RFX3: variants seen among roughly 807,000 people sequenced by gnomAD.
The protein encoded by RFX3 is regulatory factor X3, also known as transcription factor RFX3.
RFX3 carries 14 observed loss-of-function variants against 98.6 expected under a neutral mutation model. The observed-to-expected ratio is 0.14, with a 90% CI of 0.09 to 0.22. RFX3 has a LOEUF of 0.22. Among genes scored for constraint, RFX3 ranks in the 10% least tolerant of loss-of-function variants. RFX3 has a pLI of 1.00. For synonymous variants in RFX3, 383 were observed against 328.4 expected (o/e 1.17, Z -1.80); for missense variants, 639 against 926.9 (o/e 0.69, Z 4.03).
chr9:3,417,871 T>A lies in RFX3; in HGVS notation c.-8-22275A>T, dbSNP rs183996970. 7.6e-4 allele frequency among the ~76,000 whole-genome samples: 116 copies of A among 152,316 alleles called. 1 individual carries two copies. The highest frequency in any genetic ancestry group is 7.6e-3 in the Admixed American group (116 of 15,306). On this transcript the variant is annotated intron_variant, in intron 1 of 16. Transcript: ENST00000617270. ...CGGGAAGAACATATGATTTGCTTAA[T>A]AAGGTTTATAATAGCAAGTGTTTTT...
At chr9:3,229,464 T>C (rs755498917) in intron 15 of RFX3, among the ~76,000 whole-genome samples, 1 of 152,236 alleles carries the variant, frequency 6.6e-6, no homozygotes, top group African/African-American at 2.4e-5. Flanking sequence ...AAGAAAAGCA[T>C]CTGATCATTA....
intron 1 of RFX3, among the ~76,000 whole-genome samples, chr9:3,475,098 T>G (rs10972184): frequency 0.12 from 15,801 of 127,614 alleles, 1,611 homozygotes; most frequent in East Asian, 0.54. Flanking sequence ...AGACCCTGTC[T>G]CCAAAAAAAA....
Position 3,393,803 on chromosome 9 carries a change from A to G in RFX3, c.117+1669T>C, listed in dbSNP as rs144991572. ...GGTACACATGAACATAAAGATGACA[A>G]TAAGAGATACTGGGGACTCTAAAAG... On this transcript the variant is annotated intron_variant, in intron 2 of 16. Coordinates refer to ENST00000617270, the MANE Select transcript of RFX3 (RefSeq NM_001282116.2). Among the ~76,000 whole-genome samples, 756 of 152,312 alleles carry G rather than the reference A, an allele frequency of 5.0e-3. 8 individuals carry two copies. The highest frequency in any genetic ancestry group is 0.017 in the African/African-American group (711 of 41,566).
intron 1 of RFX3, among the ~76,000 whole-genome samples, chr9:3,512,685 C>CA (rs547353879): frequency 3.9e-5 from 6 of 151,930 alleles, no homozygotes; most frequent in Admixed American, 1.3e-4. Context: ...TTCCAACAAA[C>CA]AAAAAAACAA....
intron 6 of RFX3, among the ~76,000 whole-genome samples, chr9:3,288,827 G>C (rs375112725): frequency 3.3e-4 from 50 of 152,076 alleles, no homozygotes; most frequent in African/African-American, 1.1e-3. Context: ...TAAAAAGAAA[G>C]TAAGCCTTTA....
At chr9:3,409,038 T>A (rs1425305850) in intron 1 of RFX3, among the ~76,000 whole-genome samples, 1 of 152,256 alleles carries the variant, frequency 6.6e-6, no homozygotes, top group Non-Finnish European at 1.5e-5. Context: ...AATTCTCCGA[T>A]ATTTAAGTTG....
intron 1 of RFX3, chr9:3,400,284 G>C (rs1841345108): frequency 4.3e-6 from 3 of 690,550 alleles, no homozygotes; most frequent in Non-Finnish European, 5.4e-6. Flanking sequence ...TTAATAGGAG[G>C]AATCTTATAG....
In RFX3 at chr9:3,345,226, G is replaced by C. The variant is rs192852129; in HGVS notation, c.215+1441C>G. Among the ~76,000 whole-genome samples the C allele has an allele frequency of 2.2e-3, 342 of 152,220 alleles. 1 individual carries two copies. The highest frequency in any genetic ancestry group is 1.9e-3 in the Non-Finnish European group (126 of 68,010). On this transcript the variant is annotated intron_variant, in intron 3 of 16. Transcript: ENST00000617270. ...TAAAGATCACACTAGACTGGGTTTA[G>C]GGAGACTGGGAGGAAAGGAGAGAAG...
intron 16 of RFX3, among the ~76,000 whole-genome samples, chr9:3,225,640 G>A (rs937000445): frequency 1.3e-5 from 2 of 152,030 alleles, no homozygotes; most frequent in Non-Finnish European, 2.9e-5. Context: ...CTGGCTTTTG[G>A]GGAATGTACT....
chr9:3,341,000 A>C (rs1180327340), intron 3 of RFX3, among the ~76,000 whole-genome samples: 1 of 152,238 alleles, frequency 6.6e-6, no homozygotes, highest in Non-Finnish European at 1.5e-5. Context: ...ACTTGGAACC[A>C]ACCCAATTGT....
chr9:3,218,454 C>A lies in RFX3; in HGVS notation c.*6588G>T, dbSNP rs1252656366. 4 of 152,086 alleles carry A rather than the reference C, an allele frequency of 2.6e-5. No individual in the cohort carries two copies. Among genetic ancestry groups the A allele is most frequent in the Non-Finnish European group, 4.4e-5 (3 of 68,004 alleles). The allele number at this position is 152,086 out of a possible 1,614,324, so 9.4% of individuals were successfully genotyped here. A position where few individuals can be genotyped will look rare whatever the true frequency, so the allele number is the denominator to read the frequency against. On this transcript the variant is annotated 3_prime_UTR_variant, in exon 17 of 17. Transcript: ENST00000617270. ...TCCAGTCATTTGTTTAAACAACACA[C>A]TAAAAGTTAATATATATTTTTATAA... is the stretch of plus-strand genomic sequence containing the variant.
intron 4 of RFX3, among the ~76,000 whole-genome samples, chr9:3,306,874 G>C (rs1302346938): frequency 1.3e-5 from 2 of 152,060 alleles, no homozygotes; most frequent in East Asian, 3.9e-4. Context: ...GGAAGGGTAA[G>C]ATTGGTAATA....
intron 1 of RFX3, among the ~76,000 whole-genome samples, chr9:3,442,755 G>A (rs993248956): frequency 6.6e-6 from 1 of 152,066 alleles, no homozygotes; most frequent in East Asian, 1.9e-4. Flanking sequence ...TTATAAAAAT[G>A]GATTATAGAC....
rs763010002 is a variant in RFX3 at position 3,257,207 on chromosome 9, A to G, written c.1606-8T>C. The G allele has an allele frequency of 1.9e-6, 3 of 1,613,280 alleles. No homozygotes were observed. Among genetic ancestry groups the G allele is most frequent in the African/African-American group, 1.3e-5 (1 of 74,936 alleles). Reference sequence around the variant, plus strand: ...CACCCAGGAAGCCTGCTCCTGAGACAGTAACACAGAAAGAAAAGGAAAAGT... The same window carrying G: ...CACCCAGGAAGCCTGCTCCTGAGACGGTAACACAGAAAGAAAAGGAAAAGT... On this transcript the variant is annotated splice_polypyrimidine_tract_variant and splice_region_variant and intron_variant, in intron 13 of 16. Coordinates refer to ENST00000617270, the MANE Select transcript of RFX3 (RefSeq NM_001282116.2).
At chr9:3,259,875 T>C (rs1478251091) in intron 13 of RFX3, among the ~76,000 whole-genome samples, 3 of 152,086 alleles carry the variant, frequency 2.0e-5, no homozygotes, top group Admixed American at 6.6e-5. Context: ...TTGACACACA[T>C]GTAATTTCAT....
At chr9:3,414,949 T>C (rs890030929) in intron 1 of RFX3, among the ~76,000 whole-genome samples, 48 of 137,926 alleles carry the variant, frequency 3.5e-4, no homozygotes, top group Non-Finnish European at 6.8e-4. Flanking sequence ...TATACACATA[T>C]ATGTGTGTGT....
intron 1 of RFX3, among the ~76,000 whole-genome samples, chr9:3,412,724 A>G (rs1430466429): frequency 1.3e-5 from 2 of 152,164 alleles, no homozygotes; most frequent in Non-Finnish European, 2.9e-5. Flanking sequence ...ATTCTGTTAC[A>G]GTTATTCTTA....
At chr9:3,303,563 T>C (rs1289639540) in intron 4 of RFX3, among the ~76,000 whole-genome samples, 1 of 151,888 alleles carries the variant, frequency 6.6e-6, no homozygotes, top group Non-Finnish European at 1.5e-5. Context: ...ACATAATTGC[T>C]GAGCAACACT....
At chr9:3,447,944 C>A (rs1564113101) in intron 1 of RFX3, among the ~76,000 whole-genome samples, 2 of 152,094 alleles carry the variant, frequency 1.3e-5, no homozygotes, top group Non-Finnish European at 2.9e-5. Context: ...CTCCGTCTCA[C>A]AGACAACTTA....
Sources: allele counts gnomAD v4.1 joint callset (sites outside exome capture counted in the v4.1 genomes callset), GRCh38; gene constraint gnomAD v4.1.1; transcripts MANE v1.5; gene names NCBI Gene and HGNC (gene_info 2026-07-23, HGNC 2026-07-21).